Variants in DLG2 observed in about 807,000 individuals in gnomAD.
The protein encoded by DLG2 is disks large homolog 2.
DLG2 carries 45 observed loss-of-function variants against 132.5 expected under a neutral mutation model. The observed-to-expected ratio is 0.34, with a 90% CI of 0.27 to 0.44. The LOEUF (loss-of-function observed/expected upper bound fraction) is 0.44, where lower values mean the gene tolerates loss of function less well. Ranked by LOEUF, DLG2 falls within the 20% of genes least tolerant of loss-of-function variation. The pLI, the probability that DLG2 is intolerant of heterozygous loss-of-function variation, is 1.00. For synonymous variants in DLG2, 424 were observed against 419.6 expected, an observed-to-expected ratio of 1.01 and a Z score of -0.13; for missense variants, 1,045 against 1,196.9, an observed-to-expected ratio of 0.87 and a Z score of 1.87.
intron 6 of DLG2, among the ~76,000 whole-genome samples, chr11:84,973,899 G>GT (rs2154115899): frequency 6.6e-6 from 1 of 152,124 alleles, no homozygotes; most frequent in Non-Finnish European, 1.5e-5. Flanking sequence ...CCTATTTTGT[G>GT]TTTTTTCCCA....
At chr11:84,598,518 A>G (rs1288934012) in intron 6 of DLG2, among the ~76,000 whole-genome samples, 2 of 152,186 alleles carry the variant, frequency 1.3e-5, no homozygotes, top group Non-Finnish European at 2.9e-5. Flanking sequence ...ATTCATCACT[A>G]AATTCTGAGA....
At chr11:85,626,448 A>G (rs1404407359) in intron 2 of DLG2, 139 bp downstream of exon 2, 6 of 152,240 alleles carry the variant, frequency 3.9e-5, no homozygotes, top group Non-Finnish European at 5.9e-5. Flanking sequence ...GTAAAATAAT[A>G]TTACTGAATT....
At chr11:85,106,838 A>G (rs1566861612) in intron 6 of DLG2, among the ~76,000 whole-genome samples, 1 of 152,062 alleles carries the variant, frequency 6.6e-6, no homozygotes. Flanking sequence ...TGTACCCTTA[A>G]CTATGACCAA....
intron 7 of DLG2, among the ~76,000 whole-genome samples, chr11:84,524,455 C>T (rs775310251): frequency 1.3e-5 from 2 of 152,178 alleles, no homozygotes; most frequent in Non-Finnish European, 2.9e-5. Context: ...ATTCAGAATG[C>T]GTCTGTCAAG....
At chr11:85,563,627 T>C (rs1408019241) in intron 3 of DLG2, among the ~76,000 whole-genome samples, 1 of 148,818 alleles carries the variant, frequency 6.7e-6, no homozygotes, top group African/African-American at 2.4e-5. Flanking sequence ...ATTTATGTTG[T>C]TGCATGTTGT....
chr11:83,963,864 C>T (rs1044752449), intron 13 of DLG2, among the ~76,000 whole-genome samples: 3 of 151,926 alleles, frequency 2.0e-5, no homozygotes, highest in African/African-American at 7.2e-5. Context: ...GTTGAAATCT[C>T]ATTCTGAAGA....
At chr11:83,850,172 G>A (rs2059472453) in intron 16 of DLG2, among the ~76,000 whole-genome samples, 1 of 101,638 alleles carries the variant, frequency 9.8e-6, no homozygotes, top group Non-Finnish European at 2.1e-5. Flanking sequence ...TTTTTTACTT[G>A]AGACGGAGTC....
At chr11:84,600,355 A>G (rs1210254658) in intron 6 of DLG2, among the ~76,000 whole-genome samples, 1 of 152,126 alleles carries the variant, frequency 6.6e-6, no homozygotes, top group African/African-American at 2.4e-5. Flanking sequence ...TCAATGAAGA[A>G]AATAAATTTC....
chr11:84,306,672 G>A (rs1234539076), intron 7 of DLG2, among the ~76,000 whole-genome samples: 1 of 152,068 alleles, frequency 6.6e-6, no homozygotes, highest in East Asian at 1.9e-4. Context: ...GCAGTACATG[G>A]GGCAATTATT....
intron 8 of DLG2, among the ~76,000 whole-genome samples, chr11:84,224,748 C>T (rs2096965908): frequency 1.3e-5 from 2 of 152,210 alleles, no homozygotes; most frequent in African/African-American, 4.8e-5. Flanking sequence ...TCTACTGCTG[C>T]AGGAACAGCC....
At chr11:84,743,901 T>A (rs1424350058) in intron 6 of DLG2, among the ~76,000 whole-genome samples, 1 of 152,138 alleles carries the variant, frequency 6.6e-6, no homozygotes, top group Non-Finnish European at 1.5e-5. Context: ...ATTTTTTGTA[T>A]TTTTAGTACA....
chr11:84,754,405 T>C (rs766637214), intron 6 of DLG2, among the ~76,000 whole-genome samples: 10 of 152,206 alleles, frequency 6.6e-5, no homozygotes, highest in African/African-American at 1.7e-4. Flanking sequence ...ATGCATCTGC[T>C]AGAATAAAAT....
At chr11:84,155,942 T>C (rs1043988900) in intron 9 of DLG2, among the ~76,000 whole-genome samples, 1 of 152,124 alleles carries the variant, frequency 6.6e-6, no homozygotes, top group Admixed American at 6.5e-5. Flanking sequence ...ATGTTTTAAA[T>C]ACATCACTTT....
chr11:84,410,574 C>CTTT (rs367980167), intron 7 of DLG2, among the ~76,000 whole-genome samples: 112 of 109,080 alleles, frequency 1.0e-3, no homozygotes, highest in East Asian at 2.2e-3. Flanking sequence ...ACCACATAAA[C>CTTT]TTTTTTTTTT....
chr11:84,440,339 G>A (rs2099013697), intron 7 of DLG2, among the ~76,000 whole-genome samples: 1 of 152,166 alleles, frequency 6.6e-6, no homozygotes, highest in Non-Finnish European at 1.5e-5. Context: ...ATGCATCTAT[G>A]ACAAAATAGA....
At chr11:83,742,117 G>A (rs1197507921) in intron 18 of DLG2, among the ~76,000 whole-genome samples, 1 of 151,724 alleles carries the variant, frequency 6.6e-6, no homozygotes, top group African/African-American at 2.4e-5. Flanking sequence ...CTTCACAAAC[G>A]TTTTCTGAAT....
intron 11 of DLG2, among the ~76,000 whole-genome samples, chr11:84,014,818 T>C (rs574624342): frequency 2.3e-4 from 34 of 150,984 alleles, no homozygotes; most frequent in African/African-American, 8.3e-4. Context: ...CCTGCCTACA[T>C]CCTAATCCTG....
At chr11:84,541,398 C>T (rs549325713) in intron 6 of DLG2, among the ~76,000 whole-genome samples, 1 of 152,108 alleles carries the variant, frequency 6.6e-6, no homozygotes, top group Non-Finnish European at 1.5e-5. Flanking sequence ...GCCCCCAACC[C>T]CAGATTCCTT....
chr11:84,261,534 A>G (rs2097548012), intron 7 of DLG2, among the ~76,000 whole-genome samples: 2 of 152,230 alleles, frequency 1.3e-5, no homozygotes, highest in African/African-American at 4.8e-5. Flanking sequence ...ACTGAATTTT[A>G]AATATTAAAG....
Sources: gnomAD v4.1 joint callset for allele counts (sites outside exome capture counted in the v4.1 genomes callset) on GRCh38, gnomAD v4.1.1 for gene constraint, MANE v1.5 for transcripts, NCBI Gene and HGNC (gene_info 2026-07-23, HGNC 2026-07-21) for gene names.